Variants in CDH13 observed in about 807,000 individuals in gnomAD.
CDH13 encodes the protein cadherin 13, also known as cadherin-13.
Under a neutral mutation model 63.8 loss-of-function variants are expected in CDH13, and 24 were observed. The ratio of observed to expected loss-of-function variants is 0.38; its 90% CI spans 0.27 to 0.53. The LOEUF (loss-of-function observed/expected upper bound fraction) is 0.53, where lower values mean the gene tolerates loss of function less well. Among genes scored for constraint, CDH13 ranks in the 20% least tolerant of loss-of-function variants. The probability of loss-of-function intolerance (pLI) is 0.85; values close to 1 mark genes in which losing one functional copy is unlikely to be tolerated. For missense variants in CDH13, 1,049 were observed against 903.1 expected (o/e 1.16, Z -2.07); for synonymous variants, 503 against 355.3 (o/e 1.42, Z -4.67).
chr16:83,677,651 G>A (rs1038330857), intron 9 of CDH13, among the ~76,000 whole-genome samples: 1 of 152,206 alleles, frequency 6.6e-6, no homozygotes, highest in African/African-American at 2.4e-5. Flanking sequence ...TGGCAAGTGA[G>A]TGAGAAACAT....
chr16:82,706,961 C>T (rs2031543621), intron 1 of CDH13, among the ~76,000 whole-genome samples: 1 of 152,080 alleles, frequency 6.6e-6, no homozygotes, highest in African/African-American at 2.4e-5. Context: ...ATTATTCTGC[C>T]TTCAGTTCTA....
Position 83,736,818 on chromosome 16 carries a change from T to C in CDH13, c.1539-11290T>C, listed in dbSNP as rs569067410. Among the ~76,000 whole-genome samples, 3 of 152,296 alleles carry C rather than the reference T, an allele frequency of 2.0e-5. No homozygotes were observed. In the South Asian group the frequency reaches 6.2e-4, roughly 32 times the overall value. On this transcript the variant is annotated intron_variant, in intron 10 of 13. Coordinates refer to ENST00000567109, the MANE Select transcript of CDH13 (RefSeq NM_001257.5). The stretch of plus-strand genomic sequence containing the variant: ...CAGCAGTTGGGAGACCTTTGGTAAA[T>C]TCTAACAAAGAATTAATGGCCTCGA...
At chr16:82,710,304 C>T (rs895396286) in intron 1 of CDH13, among the ~76,000 whole-genome samples, 5 of 141,934 alleles carry the variant, frequency 3.5e-5, no homozygotes, top group East Asian at 2.0e-4. Flanking sequence ...TAGGTGGAGG[C>T]GGGTGGATCA....
chr16:82,859,543 G>A (rs377693511), intron 2 of CDH13: 10 of 151,886 alleles, frequency 6.6e-5, no homozygotes, highest in African/African-American at 2.2e-4. Context: ...GGGTGACAGA[G>A]CGAGACTGTG....
intron 3 of CDH13, among the ~76,000 whole-genome samples, chr16:83,035,845 A>G (rs776791901): frequency 5.1e-4 from 77 of 152,306 alleles, no homozygotes; most frequent in Non-Finnish European, 8.8e-4. Context: ...TGTGGATTCA[A>G]TGAGACGATA....
chr16:83,179,436 G>A (rs1468645871), intron 4 of CDH13, among the ~76,000 whole-genome samples: 1 of 147,296 alleles, frequency 6.8e-6, no homozygotes, highest in African/African-American at 2.5e-5. Context: ...CTGAGATCAG[G>A]AGATGGAGAC....
At chr16:83,322,265 G>A (rs551063545) in intron 5 of CDH13, among the ~76,000 whole-genome samples, 35 of 152,256 alleles carry the variant, frequency 2.3e-4, no homozygotes, top group Admixed American at 1.3e-3. Context: ...TACCCTCCAA[G>A]GAAGTGGAAA....
At chr16:83,551,237 A>G (rs1252998894) in intron 7 of CDH13, among the ~76,000 whole-genome samples, 1 of 152,062 alleles carries the variant, frequency 6.6e-6, no homozygotes, top group Non-Finnish European at 1.5e-5. Context: ...GTACACCACC[A>G]CACCTGGCTA....
At chr16:83,030,865 A>G (rs1215720826) in intron 2 of CDH13, among the ~76,000 whole-genome samples, 2 of 151,522 alleles carry the variant, frequency 1.3e-5, no homozygotes, top group Middle Eastern at 3.2e-3. Flanking sequence ...CTAGATCCCC[A>G]CCATTCTAGA....
chr16:82,820,351 A>G (rs950487763), intron 1 of CDH13, among the ~76,000 whole-genome samples: 1 of 152,200 alleles, frequency 6.6e-6, no homozygotes, highest in Non-Finnish European at 1.5e-5. Context: ...AATGCCTCAG[A>G]TACTGTTCTA....
At chr16:82,893,486 A>G (rs2041150808) in intron 2 of CDH13, among the ~76,000 whole-genome samples, 1 of 152,276 alleles carries the variant, frequency 6.6e-6, no homozygotes, top group South Asian at 2.1e-4. Flanking sequence ...AGTTTATTAT[A>G]AAGTGTTAAT....
intron 11 of CDH13, among the ~76,000 whole-genome samples, chr16:83,751,923 A>G (rs1450423995): frequency 6.6e-6 from 1 of 152,228 alleles, no homozygotes; most frequent in Non-Finnish European, 1.5e-5. Flanking sequence ...CAAGATAGAA[A>G]TGGAATAAGG....
At chr16:83,626,388 G>A (rs1217228856) in intron 8 of CDH13, among the ~76,000 whole-genome samples, 2 of 152,182 alleles carry the variant, frequency 1.3e-5, no homozygotes, top group Non-Finnish European at 2.9e-5. Context: ...CTGCAGGAGA[G>A]ATGTGAAAGT....
intron 1 of CDH13, among the ~76,000 whole-genome samples, chr16:82,837,231 C>G (rs1381590813): frequency 6.6e-6 from 1 of 152,186 alleles, no homozygotes; most frequent in African/African-American, 2.4e-5. Context: ...GAAGCTGAAA[C>G]TATCTTAATT....
intron 7 of CDH13, among the ~76,000 whole-genome samples, chr16:83,521,287 C>A (rs2074828963): frequency 6.6e-6 from 1 of 152,014 alleles, no homozygotes; most frequent in African/African-American, 2.4e-5. Context: ...AATCGGCCAC[C>A]CTGTATGACT....
At chr16:83,738,408 G>T (rs1911738944) in intron 10 of CDH13, among the ~76,000 whole-genome samples, 1 of 152,258 alleles carries the variant, frequency 6.6e-6, no homozygotes, top group Middle Eastern at 3.2e-3. Context: ...CTTATCTCTG[G>T]AAGTGGATTA....
At chr16:82,945,464 G>T (rs937058526) in intron 2 of CDH13, among the ~76,000 whole-genome samples, 1 of 152,170 alleles carries the variant, frequency 6.6e-6, no homozygotes, top group Non-Finnish European at 1.5e-5. Context: ...TTCCCTTACA[G>T]GGTGCTAAAC....
At chr16:83,354,903 T>C (rs2091023536) in intron 6 of CDH13, among the ~76,000 whole-genome samples, 1 of 152,242 alleles carries the variant, frequency 6.6e-6, no homozygotes, top group Admixed American at 6.5e-5. Context: ...GTATTGACTA[T>C]GGCTGCTTTC....
At chr16:83,335,013 A>G (rs1054739294) in intron 5 of CDH13, among the ~76,000 whole-genome samples, 4 of 152,222 alleles carry the variant, frequency 2.6e-5, no homozygotes, top group African/African-American at 9.7e-5. Flanking sequence ...GATTAATGTT[A>G]TCATTTCCTG....
Sources: allele counts gnomAD v4.1 joint callset (sites outside exome capture counted in the v4.1 genomes callset), GRCh38; gene constraint gnomAD v4.1.1; transcripts MANE v1.5; gene names NCBI Gene and HGNC (gene_info 2026-07-23, HGNC 2026-07-21).